TAB2: variants seen among roughly 807,000 people sequenced by gnomAD.
The protein encoded by TAB2 is TGF-beta activated kinase 1 (MAP3K7) binding protein 2, also known as TGF-beta-activated kinase 1 and MAP3K7-binding protein 2.
TAB2 carries 3 observed loss-of-function variants against 65.0 expected under a neutral mutation model. The ratio of observed to expected loss-of-function variants is 0.05; its 90% CI spans 0.02 to 0.12. TAB2 has a LOEUF of 0.12. Among genes scored for constraint, TAB2 ranks in the 10% least tolerant of loss-of-function variants. The pLI is 1.00. For synonymous variants in TAB2, 298 were observed against 285.1 expected (o/e 1.05, Z -0.46); for missense variants, 623 against 840.3 (o/e 0.74, Z 3.20).
At chr6:149,396,110 C>T (rs237031) in intron 3 of TAB2, among the ~76,000 whole-genome samples, 19,550 of 151,384 alleles carry the variant, frequency 0.13, 1,328 homozygotes, top group African/African-American at 0.18. Flanking sequence ...CTCTGCCTCC[C>T]GGGTTCAAGC....
rs200582866 is a variant in TAB2 at position 149,409,718 on chromosome 6, G to A, written c.2081G>A (p.Ter694=). The A allele has an allele frequency of 6.2e-7, 1 of 1,614,044 alleles. No individual in the cohort carries two copies. Among genetic ancestry groups the A allele is most frequent in the Admixed American group, 1.7e-5 (1 of 60,012 alleles). Residue 694 remains the stop codon, a stop_retained_variant, in exon 7 of 7, where the codon TGA becomes TAA. Transcript: ENST00000637181. ...CAGTGTGAGATGCCAAGGCATTTCTGAGCCAAATGGCCCTGTATCTTCTCT... is the reference window on the plus strand; with the variant it reads ...CAGTGTGAGATGCCAAGGCATTTCTAAGCCAAATGGCCCTGTATCTTCTCT... ...CEQCEMPRHF[*] is the part of the protein sequence containing the mutation.
intron 1 of TAB2, among the ~76,000 whole-genome samples, chr6:149,287,667 T>A (rs570983104): frequency 6.6e-6 from 1 of 152,216 alleles, no homozygotes; most frequent in South Asian, 2.1e-4. Context: ...GAACTTGTTT[T>A]CAATGTGGTA....
At chr6:149,218,760 A>G in exon 1 of TAB2, 1 of 456,174 alleles carries the variant, frequency 2.2e-6, no homozygotes, top group South Asian at 1.5e-5. Context: ...TCCAAAGCAA[A>G]CCAACTGAGA....
At chr6:149,283,294 A>G (rs1583063751) in intron 1 of TAB2, among the ~76,000 whole-genome samples, 1 of 152,252 alleles carries the variant, frequency 6.6e-6, no homozygotes, top group East Asian at 1.9e-4. Context: ...CATTGAAAAT[A>G]TGGGAGGATG....
At chr6:149,296,378 G>A (rs1324660899) in intron 1 of TAB2, among the ~76,000 whole-genome samples, 1 of 152,020 alleles carries the variant, frequency 6.6e-6, no homozygotes, top group African/African-American at 2.4e-5. Context: ...GTCAAATGAG[G>A]GTTCTAATAT....
At chr6:149,230,805 C>T (rs559584053) in intron 1 of TAB2, among the ~76,000 whole-genome samples, 261 of 152,326 alleles carry the variant, frequency 1.7e-3, no homozygotes, top group Non-Finnish European at 2.7e-3. Context: ...CTATTGGACC[C>T]CGCTTTTGAC....
intron 1 of TAB2, among the ~76,000 whole-genome samples, chr6:149,269,617 T>C (rs994579436): frequency 6.6e-6 from 1 of 152,186 alleles, no homozygotes; most frequent in Non-Finnish European, 1.5e-5. Context: ...CCCCAGCCCC[T>C]GGCAACCATT....
At chr6:149,329,191 CTTG>C (rs1779710311) in intron 1 of TAB2, among the ~76,000 whole-genome samples, 1 of 152,288 alleles carries the variant, frequency 6.6e-6, no homozygotes, top group African/African-American at 2.4e-5. Context: ...GAAAGATTCT[CTTG>C]TTGTAGTGCA....
At chr6:149,304,300 T>C (rs1241671679) in intron 1 of TAB2, 1 of 152,926 alleles carries the variant, frequency 6.5e-6, no homozygotes, top group Admixed American at 6.5e-5. Flanking sequence ...CACACTTTTC[T>C]AGGTTTAAAA....
intron 1 of TAB2, among the ~76,000 whole-genome samples, chr6:149,276,398 C>T (rs1011404879): frequency 2.1e-4 from 32 of 152,060 alleles, no homozygotes; most frequent in African/African-American, 6.8e-4. Context: ...AATGTGCTAG[C>T]GATGAGACAT....
At chr6:149,293,789 C>T (rs999083215) in intron 1 of TAB2, among the ~76,000 whole-genome samples, 2 of 152,166 alleles carry the variant, frequency 1.3e-5, no homozygotes, top group Admixed American at 6.5e-5. Flanking sequence ...ACCTCATTTA[C>T]ATCATCTGAT....
In TAB2 at chr6:149,333,276, A is replaced by G. The variant is rs548144052; in HGVS notation, c.-90+15261A>G. On this transcript the variant is annotated intron_variant, in intron 1 of 6. Coordinates refer to ENST00000637181, the MANE Select transcript of TAB2 (RefSeq NM_001292034.3). Reference sequence around the variant, plus strand: ...AGCCCTAGAGATTGCACCCATACATAGCAGCGTCACCAACCCAAGATTAGT... The same window carrying G: ...AGCCCTAGAGATTGCACCCATACATGGCAGCGTCACCAACCCAAGATTAGT... 1.1e-3 allele frequency among the ~76,000 whole-genome samples: 165 copies of G among 152,316 alleles called. 1 individual carries two copies. Among genetic ancestry groups the G allele is most frequent in the African/African-American group, 3.8e-3 (157 of 41,586 alleles).
intron 1 of TAB2, among the ~76,000 whole-genome samples, chr6:149,361,162 G>A (rs1780835178): frequency 6.6e-6 from 1 of 152,340 alleles, no homozygotes; most frequent in Non-Finnish European, 1.5e-5. Context: ...TGGAGACTCT[G>A]TGGGGCCTCC....
intron 1 of TAB2, among the ~76,000 whole-genome samples, chr6:149,232,834 C>A (rs530934842): frequency 3.2e-4 from 49 of 152,310 alleles, no homozygotes; most frequent in Non-Finnish European, 6.0e-4. Context: ...ATCCTCTACA[C>A]TAAACTGCCT....
chr6:149,346,560 TCTC>T (rs1441943182), intron 1 of TAB2: 1 of 151,260 alleles, frequency 6.6e-6, no homozygotes, highest in Admixed American at 6.6e-5. Context: ...TTCAAGCAAT[TCTC>T]CTGCCTCACC....
chr6:149,245,276 G>T (rs1398122940), intron 1 of TAB2: 1 of 152,202 alleles, frequency 6.6e-6, no homozygotes, highest in Non-Finnish European at 1.5e-5. Flanking sequence ...GCTTCTAGAG[G>T]TGGGCTAAGA....
At chr6:149,284,883 C>T (rs748692616) in intron 1 of TAB2, among the ~76,000 whole-genome samples, 1 of 152,102 alleles carries the variant, frequency 6.6e-6, no homozygotes. Context: ...GTCACTCTCC[C>T]TTTGGTGTGA....
intron 1 of TAB2, among the ~76,000 whole-genome samples, chr6:149,267,304 C>T (rs1778281653): frequency 6.6e-6 from 1 of 152,152 alleles, no homozygotes; most frequent in Non-Finnish European, 1.5e-5. Context: ...TTCCTGCTGT[C>T]CAGGAAACCT....
chr6:149,329,672 G>T (rs905852335), intron 1 of TAB2, among the ~76,000 whole-genome samples: 2 of 142,150 alleles, frequency 1.4e-5, no homozygotes, highest in East Asian at 2.4e-4. Flanking sequence ...AGCTGGGGGG[G>T]GCGGGGTTGG....
Sources: gnomAD v4.1 joint callset for allele counts (sites outside exome capture counted in the v4.1 genomes callset) on GRCh38, gnomAD v4.1.1 for gene constraint, MANE v1.5 for transcripts, NCBI Gene and HGNC (gene_info 2026-07-23, HGNC 2026-07-21) for gene names.